ADGRV1: variants seen among roughly 807,000 people sequenced by gnomAD.
The protein encoded by ADGRV1 is G-protein coupled receptor 98.
In ADGRV1, 359 loss-of-function variants were observed where a neutral mutation model predicts 596.2. The observed-to-expected ratio is 0.60, with a 90% confidence interval of 0.55 to 0.66. The LOEUF is 0.66. Among genes scored for constraint, ADGRV1 ranks in the 30% least tolerant of loss-of-function variants. ADGRV1 has a pLI of 0.00. For synonymous variants in ADGRV1, 2,681 were observed against 2,679.2 expected (o/e 1.00, Z -0.02); for missense variants, 7,274 against 7,575.6 (o/e 0.96, Z 1.48).
intron 72 of ADGRV1, 45 bp from the exon 73 acceptor site, chr5:90,807,557 G>GCTTT: frequency 6.5e-7 from 1 of 1,542,814 alleles, no homozygotes; most frequent in Non-Finnish European, 8.8e-7. Context: ...CCCAATTTAA[G>GCTTT]AAAAGAAATA....
intron 45 of ADGRV1, among the ~76,000 whole-genome samples, chr5:90,723,512 G>T (rs1013471968): frequency 6.6e-6 from 1 of 152,158 alleles, no homozygotes; most frequent in Non-Finnish European, 1.5e-5. Context: ...ATTCTTAATT[G>T]TTAGCAGTCA....
chr5:91,148,853 A>G (rs1391162457), intron 87 of ADGRV1, among the ~76,000 whole-genome samples: 5 of 152,236 alleles, frequency 3.3e-5, no homozygotes, highest in African/African-American at 1.2e-4. Flanking sequence ...GGCCGCGGGA[A>G]CCCACCTCTT....
At chr5:90,860,363 C>T (rs34368137) in intron 82 of ADGRV1, among the ~76,000 whole-genome samples, 25,418 of 151,714 alleles carry the variant, frequency 0.17, 3,087 homozygotes, top group East Asian at 0.38. Flanking sequence ...TGCAATGGCA[C>T]GATCTCAGTT....
chr5:90,907,043 C>T (rs1772390578), intron 83 of ADGRV1, among the ~76,000 whole-genome samples: 2 of 152,156 alleles, frequency 1.3e-5, no homozygotes. Context: ...AATTGCCCAT[C>T]TTTTCCAAGT....
At chr5:91,114,747 G>A (rs1792701521) in intron 87 of ADGRV1, among the ~76,000 whole-genome samples, 1 of 152,092 alleles carries the variant, frequency 6.6e-6, no homozygotes, top group Non-Finnish European at 1.5e-5. Flanking sequence ...TGAGACTCTT[G>A]AATTCATTAC....
At position 91,153,409 on chromosome 5, in the gene ADGRV1, A is replaced by G; in HGVS notation, c.18802+11A>G. ...TTGCATTAAAAACTGGTATGTATGAACCCATGAACGACATTAGAAGTAGGC... is the reference window on the plus strand; with the variant it reads ...TTGCATTAAAAACTGGTATGTATGAGCCCATGAACGACATTAGAAGTAGGC... On this transcript the variant is annotated intron_variant, in intron 89 of 89. Transcript: ENST00000405460. 1 of 1,558,844 alleles carries G rather than the reference A, an allele frequency of 6.4e-7. No individual in the cohort carries two copies. Among genetic ancestry groups the G allele is most frequent in the Non-Finnish European group, 8.7e-7 (1 of 1,151,910 alleles).
chr5:91,092,859 C>CTA (rs781326077), intron 86 of ADGRV1, among the ~76,000 whole-genome samples: 18 of 152,160 alleles, frequency 1.2e-4, no homozygotes, highest in Non-Finnish European at 2.4e-4. Flanking sequence ...CCTAACGTGA[C>CTA]TAAACTGATG....
chr5:91,063,976 G>GACC (rs760971775), intron 85 of ADGRV1, among the ~76,000 whole-genome samples: 5 of 152,268 alleles, frequency 3.3e-5, no homozygotes, highest in Admixed American at 3.3e-4. Flanking sequence ...TGATAGGAGT[G>GACC]ACCATGCCTT....
chr5:90,799,464 G>C (rs1340975982), intron 70 of ADGRV1, among the ~76,000 whole-genome samples: 4 of 152,150 alleles, frequency 2.6e-5, no homozygotes, highest in African/African-American at 9.7e-5. Context: ...CCATGCTCAT[G>C]GATAGGAAGA....
chr5:90,779,279 T>A (rs537549361), intron 64 of ADGRV1, 182 bp downstream of exon 64: 236 of 420,524 alleles, frequency 5.6e-4, no homozygotes, highest in South Asian at 3.8e-3. Context: ...TTTTTTTTTT[T>A]AATTTTGTTA....
At chr5:91,138,237 GAAA>G (rs536525545) in intron 87 of ADGRV1, among the ~76,000 whole-genome samples, 3 of 141,148 alleles carry the variant, frequency 2.1e-5, no homozygotes, top group African/African-American at 7.8e-5. Context: ...ATGGGTTGGA[GAAA>G]AAAAAAAAAC....
At chr5:90,753,317 A>G (rs1755469312) in intron 53 of ADGRV1, among the ~76,000 whole-genome samples, 1 of 151,760 alleles carries the variant, frequency 6.6e-6, no homozygotes, top group Non-Finnish European at 1.5e-5. Context: ...AATGGAATTC[A>G]GTCTCCAGTA....
chr5:90,762,277 G>C (rs1581038277), intron 58 of ADGRV1, among the ~76,000 whole-genome samples: 2 of 152,086 alleles, frequency 1.3e-5, no homozygotes, highest in Admixed American at 1.3e-4. Context: ...TTAGACTCCA[G>C]GCTCCTCATC....
chr5:90,898,654 T>C (rs1449001857), intron 83 of ADGRV1, among the ~76,000 whole-genome samples: 1 of 152,080 alleles, frequency 6.6e-6, no homozygotes, highest in Non-Finnish European at 1.5e-5. Flanking sequence ...GTTTACATGC[T>C]AGAAACTGGC....
intron 1 of ADGRV1, among the ~76,000 whole-genome samples, chr5:90,574,798 T>C (rs923630600): frequency 2.0e-5 from 3 of 152,220 alleles, no homozygotes; most frequent in Non-Finnish European, 4.4e-5. Flanking sequence ...TTTCAAGCTC[T>C]TCCTGATTCA....
rs1362592984 is a variant in ADGRV1, at chr5:90,777,888, T to G, written c.12528-17T>G. On this transcript the variant is annotated splice_polypyrimidine_tract_variant and intron_variant, in intron 61 of 89. Coordinates refer to ENST00000405460, the MANE Select transcript of ADGRV1 (RefSeq NM_032119.4). ...TCAACTGAAATGTATTGGATATACA[T>G]TTGTTTATTGTTGTAGCCTTGTTCG... is the stretch of plus-strand genomic sequence containing the variant. 5.7e-6 allele frequency: 9 copies of G among 1,589,878 alleles called. No individual in the cohort carries two copies. The highest frequency in any genetic ancestry group is 7.7e-6 in the Non-Finnish European group (9 of 1,163,226).
intron 17 of ADGRV1, among the ~76,000 whole-genome samples, chr5:90,648,718 T>A (rs1191105191): frequency 6.6e-6 from 1 of 152,230 alleles, no homozygotes; most frequent in Admixed American, 6.5e-5. Context: ...TTTCTCCTTT[T>A]GTCTTTCTCT....
intron 84 of ADGRV1, among the ~76,000 whole-genome samples, chr5:90,978,225 G>A (rs571843817): frequency 1.1e-3 from 161 of 152,150 alleles, no homozygotes; most frequent in African/African-American, 3.6e-3. Context: ...AACCCGGGAG[G>A]CGGAGCTTGC....
intron 84 of ADGRV1, among the ~76,000 whole-genome samples, chr5:90,977,406 G>C (rs1348475241): frequency 1.3e-5 from 2 of 152,106 alleles, no homozygotes; most frequent in Admixed American, 6.5e-5. Context: ...GAGGATTCTG[G>C]TGACACAGTT....
Sources: gnomAD v4.1 joint callset for allele counts (sites outside exome capture counted in the v4.1 genomes callset) on GRCh38, gnomAD v4.1.1 for gene constraint, MANE v1.5 for transcripts, NCBI Gene and HGNC (gene_info 2026-07-23, HGNC 2026-07-21) for gene names.